Variants in NKAIN2 observed in about 807,000 individuals in gnomAD.
NKAIN2 encodes the protein sodium/potassium transporting ATPase interacting 2, also known as sodium/potassium-transporting ATPase subunit beta-1-interacting protein 2.
Under a neutral mutation model 32.6 loss-of-function variants are expected in NKAIN2, and 14 were observed. That is an observed-to-expected ratio of 0.43 (90% CI 0.28 to 0.67). The LOEUF (loss-of-function observed/expected upper bound fraction) is 0.67. Ranked by LOEUF, NKAIN2 falls within the 30% of genes least tolerant of loss-of-function variation. The probability of loss-of-function intolerance (pLI) is 0.17; values close to 1 mark genes in which losing one functional copy is unlikely to be tolerated. For missense variants in NKAIN2, 198 were observed against 258.3 expected, an observed-to-expected ratio of 0.77 and a Z score of 1.60; for synonymous variants, 80 against 87.2, an observed-to-expected ratio of 0.92 and a Z score of 0.46.
chr6:124,427,833 C>T (rs565136878), intron 3 of NKAIN2, among the ~76,000 whole-genome samples: 17 of 152,166 alleles, frequency 1.1e-4, no homozygotes, highest in South Asian at 4.2e-4. Context: ...CACGAAACCA[C>T]GGAAATAGGT....
intron 4 of NKAIN2, among the ~76,000 whole-genome samples, chr6:124,692,538 C>T (rs1244631799): frequency 1.3e-5 from 2 of 152,060 alleles, no homozygotes; most frequent in African/African-American, 4.8e-5. Context: ...ACATGAGGGC[C>T]GGGTGCGGTG....
intron 1 of NKAIN2, among the ~76,000 whole-genome samples, chr6:124,094,381 T>C (rs1784562611): frequency 6.6e-6 from 1 of 152,166 alleles, no homozygotes; most frequent in African/African-American, 2.4e-5. Flanking sequence ...TAATATTTAA[T>C]GTAAAATATG....
chr6:124,385,928 A>G (rs1012056888), intron 3 of NKAIN2, among the ~76,000 whole-genome samples: 4 of 152,182 alleles, frequency 2.6e-5, no homozygotes, highest in Non-Finnish European at 5.9e-5. Context: ...ATTTCTCAGC[A>G]TAATCTCCAT....
intron 1 of NKAIN2, among the ~76,000 whole-genome samples, chr6:124,021,465 G>A (rs1242041701): frequency 6.6e-6 from 1 of 151,728 alleles, no homozygotes. Context: ...TTCAATTTGT[G>A]TAATATATTT....
At chr6:124,171,726 T>G (rs1480928621) in intron 1 of NKAIN2, among the ~76,000 whole-genome samples, 1 of 146,022 alleles carries the variant, frequency 6.8e-6, no homozygotes, top group Non-Finnish European at 1.5e-5. Flanking sequence ...AATTTTTTTG[T>G]ATTTTAGTAG....
intron 1 of NKAIN2, among the ~76,000 whole-genome samples, chr6:124,222,720 C>T (rs1374657714): frequency 1.3e-5 from 2 of 152,058 alleles, no homozygotes; most frequent in Non-Finnish European, 2.9e-5. Flanking sequence ...TGGAAAGAGG[C>T]CACATAAGTA....
chr6:124,482,325 C>T (rs919191230), intron 3 of NKAIN2, among the ~76,000 whole-genome samples: 7 of 152,074 alleles, frequency 4.6e-5, no homozygotes, highest in Admixed American at 3.9e-4. Context: ...AACAGTTTGG[C>T]CCCATGTGTT....
Position 124,609,447 on chromosome 6 carries a change from T to C in NKAIN2, c.274-48739T>C, listed in dbSNP as rs115716274. Reference sequence around the variant, plus strand: ...GCATCTCCAAATGTTAGAAAATGTATACTAGAATATTTATAAATCTTGTTC... The same window carrying C: ...GCATCTCCAAATGTTAGAAAATGTACACTAGAATATTTATAAATCTTGTTC... On this transcript the variant is annotated intron_variant, in intron 3 of 6. Transcript: ENST00000368417. Among the ~76,000 whole-genome samples, 436 of 152,184 alleles carry C rather than the reference T, an allele frequency of 2.9e-3. 5 individuals are homozygous for C. Among genetic ancestry groups the C allele is most frequent in the African/African-American group, 0.01 (418 of 41,502 alleles).
At chr6:123,987,619 C>T (rs1476425296) in intron 1 of NKAIN2, among the ~76,000 whole-genome samples, 1 of 152,098 alleles carries the variant, frequency 6.6e-6, no homozygotes, top group Non-Finnish European at 1.5e-5. Context: ...GAATTCAGTG[C>T]CTTGCATTTG....
intron 4 of NKAIN2, among the ~76,000 whole-genome samples, chr6:124,773,125 C>T (rs1275336376): frequency 1.3e-5 from 2 of 152,186 alleles, no homozygotes; most frequent in Non-Finnish European, 2.9e-5. Context: ...AAAGTCAAGT[C>T]TGAATACTTT....
intron 1 of NKAIN2, among the ~76,000 whole-genome samples, chr6:124,056,898 G>C (rs960698974): frequency 6.6e-6 from 1 of 151,912 alleles, no homozygotes; most frequent in East Asian, 1.9e-4. Flanking sequence ...GAGTTTCCTG[G>C]AGCTGTCACT....
intron 1 of NKAIN2, among the ~76,000 whole-genome samples, chr6:123,846,596 A>G (rs529282634): frequency 6.6e-6 from 1 of 152,278 alleles, no homozygotes; most frequent in East Asian, 1.9e-4. Context: ...TAGGAAGAAA[A>G]AATGATTTTT....
At chr6:124,050,303 G>A (rs966937338) in intron 1 of NKAIN2, among the ~76,000 whole-genome samples, 2 of 152,006 alleles carry the variant, frequency 1.3e-5, no homozygotes, top group Non-Finnish European at 2.9e-5. Context: ...TACAATAAGG[G>A]CATTTCACTT....
intron 4 of NKAIN2, among the ~76,000 whole-genome samples, chr6:124,779,626 C>T (rs531831873): frequency 2.7e-4 from 41 of 152,138 alleles, no homozygotes; most frequent in African/African-American, 9.9e-4. Context: ...AGAAGTGCAC[C>T]TTACTATTAT....
intron 1 of NKAIN2, among the ~76,000 whole-genome samples, chr6:123,883,634 T>C (rs559294779): frequency 3.8e-4 from 50 of 131,010 alleles, no homozygotes; most frequent in African/African-American, 1.3e-3. Context: ...CAATTAAACC[T>C]CTTTTTTAAA....
chr6:124,523,428 G>A (rs1341270468), intron 3 of NKAIN2, among the ~76,000 whole-genome samples: 1 of 151,946 alleles, frequency 6.6e-6, no homozygotes, highest in Non-Finnish European at 1.5e-5. Flanking sequence ...ATACTTATCA[G>A]AATTTTCTGT....
chr6:124,057,484 T>G (rs1179958152), intron 1 of NKAIN2, among the ~76,000 whole-genome samples: 1 of 152,006 alleles, frequency 6.6e-6, no homozygotes, highest in Non-Finnish European at 1.5e-5. Context: ...AAGTATATAT[T>G]TTTCGAAATA....
chr6:124,435,940 T>A (rs1775423409), intron 3 of NKAIN2, among the ~76,000 whole-genome samples: 1 of 152,136 alleles, frequency 6.6e-6, no homozygotes, highest in Non-Finnish European at 1.5e-5. Flanking sequence ...TATAAGTAGT[T>A]TCTTTATAAC....
chr6:124,636,421 A>G (rs1783775721), intron 3 of NKAIN2, among the ~76,000 whole-genome samples: 1 of 152,002 alleles, frequency 6.6e-6, no homozygotes, highest in Non-Finnish European at 1.5e-5. Context: ...AATGAAGATC[A>G]GAACAGAACT....
Sources: gnomAD v4.1 joint callset for allele counts (sites outside exome capture counted in the v4.1 genomes callset) on GRCh38, gnomAD v4.1.1 for gene constraint, MANE v1.5 for transcripts, NCBI Gene and HGNC (gene_info 2026-07-23, HGNC 2026-07-21) for gene names.